The following WWTR1 variants were observed in gnomAD, a reference collection of about 807,000 sequenced individuals.
WWTR1 encodes WW domain containing transcription regulator 1.
Under a neutral mutation model 40.1 loss-of-function variants are expected in WWTR1, and 13 were observed. The observed-to-expected ratio is 0.32, with a 90% CI of 0.21 to 0.52. The LOEUF (loss-of-function observed/expected upper bound fraction) is 0.52. WWTR1 is among the 20% of genes least tolerant of loss of function. WWTR1 has a pLI of 0.97. For synonymous variants in WWTR1, 230 were observed against 210.1 expected, an observed-to-expected ratio of 1.09 and a Z score of -0.82; for missense variants, 436 against 523.1, an observed-to-expected ratio of 0.83 and a Z score of 1.63.
chr3:149,649,253 A>G (rs1421516393), intron 2 of WWTR1, among the ~76,000 whole-genome samples: 1 of 152,134 alleles, frequency 6.6e-6, no homozygotes, highest in African/African-American at 2.4e-5. Flanking sequence ...CAGCCTCCCA[A>G]AGTGCTGGGA....
upstream of WWTR1, among the ~76,000 whole-genome samples, chr3:149,708,017 C>CGA (rs1715374501): frequency 1.3e-5 from 2 of 151,908 alleles, no homozygotes; most frequent in Non-Finnish European, 2.9e-5. Context: ...TGCCCTCTCT[C>CGA]GTCTAATCAA....
intron 5 of WWTR1, among the ~76,000 whole-genome samples, chr3:149,714,350 G>C (rs955522275): frequency 3.9e-5 from 6 of 152,346 alleles, no homozygotes; most frequent in African/African-American, 1.4e-4. Flanking sequence ...TGAACTCTCA[G>C]GGGCCCAGGA....
At chr3:149,665,200 A>G (rs1250403599) in intron 2 of WWTR1, among the ~76,000 whole-genome samples, 1 of 150,956 alleles carries the variant, frequency 6.6e-6, no homozygotes, top group Non-Finnish European at 1.5e-5. Flanking sequence ...ATCTATAATA[A>G]CGGGAAATTA....
At chr3:149,677,695 C>T (rs112557228) in intron 1 of WWTR1, among the ~76,000 whole-genome samples, 6,457 of 151,340 alleles carry the variant, frequency 0.043, 281 homozygotes, top group East Asian at 0.13. Flanking sequence ...ACAAAATCAA[C>T]GCGGTGTCGT....
Position 149,656,883 on chromosome 3 carries a change from A to C in WWTR1, c.424T>G (p.Phe142Val), listed in dbSNP as rs747153038. 6.6e-7 allele frequency: 1 copy of C among 1,517,992 alleles called. No homozygotes were observed. Among genetic ancestry groups the C allele is most frequent in the Non-Finnish European group, 8.8e-7 (1 of 1,140,480 alleles). The allele number at this position is 1,517,992 out of a possible 1,614,324, so 94.0% of individuals were successfully genotyped here. Residue 142 changes from phenylalanine to valine, a missense_variant, in exon 2 of 7, where the codon TTC becomes GTC. Phe to Val is a conservative substitution (Grantham distance 50). Transcript: ENST00000360632. Reference sequence around the variant, plus strand: ...GGCTCCAGGCTGACTTACTTGAGGAAGTACCTCTGGCCAGTGGCCGTGAAG... The same window carrying C: ...GGCTCCAGGCTGACTTACTTGAGGACGTACCTCTGGCCAGTGGCCGTGAAG... Reference protein sequence around the residue: ...MTFTATGQRYFLNHIEKITTW... With the variant: ...MTFTATGQRYVLNHIEKITTW...
intron 2 of WWTR1, among the ~76,000 whole-genome samples, chr3:149,628,281 A>G (rs1740674737): frequency 6.6e-6 from 1 of 152,236 alleles, no homozygotes; most frequent in East Asian, 1.9e-4. Flanking sequence ...GAGGCAGGAG[A>G]ATGGTGTGGA....
At chr3:149,544,219 C>T (rs189873097) in intron 3 of WWTR1, among the ~76,000 whole-genome samples, 4 of 152,112 alleles carry the variant, frequency 2.6e-5, no homozygotes, top group South Asian at 4.1e-4. Flanking sequence ...TATATTTGAA[C>T]GACATATATG....
chr3:149,599,749 A>G (rs1381334915), intron 2 of WWTR1, among the ~76,000 whole-genome samples: 2 of 152,228 alleles, frequency 1.3e-5, no homozygotes, highest in Non-Finnish European at 2.9e-5. Context: ...CCAAGGCAAT[A>G]ATATCTACTT....
intron 2 of WWTR1, among the ~76,000 whole-genome samples, chr3:149,610,261 A>G (rs932088188): frequency 2.0e-5 from 3 of 152,240 alleles, no homozygotes; most frequent in Non-Finnish European, 4.4e-5. Context: ...ATACCTGCTC[A>G]GTGTTGCAAA....
At chr3:149,538,211 C>T (rs150423888) in intron 4 of WWTR1, among the ~76,000 whole-genome samples, 8 of 152,230 alleles carry the variant, frequency 5.3e-5, no homozygotes, top group East Asian at 1.9e-4. Flanking sequence ...TCAGCCACCA[C>T]GCTTAGTCAA....
intron 3 of WWTR1, among the ~76,000 whole-genome samples, chr3:149,548,322 C>G (rs1736462357): frequency 6.6e-6 from 1 of 152,194 alleles, no homozygotes; most frequent in Admixed American, 6.5e-5. Flanking sequence ...GGCAGCTTCC[C>G]TAAGCCAGGA....
At chr3:149,614,959 G>A (rs1739897101) in intron 2 of WWTR1, among the ~76,000 whole-genome samples, 1 of 151,938 alleles carries the variant, frequency 6.6e-6, no homozygotes, top group Non-Finnish European at 1.5e-5. Flanking sequence ...CTCCAGCCTG[G>A]GAGACAAGAG....
intron 1 of WWTR1, among the ~76,000 whole-genome samples, chr3:149,676,980 G>C (rs1354399880): frequency 6.6e-6 from 1 of 150,922 alleles, no homozygotes; most frequent in Non-Finnish European, 1.5e-5. Flanking sequence ...GCAATGGGGC[G>C]ATCTTGGCTC....
chr3:149,689,888 CA>C (rs1714763215), intron 1 of WWTR1, among the ~76,000 whole-genome samples: 1 of 152,010 alleles, frequency 6.6e-6, no homozygotes, highest in Non-Finnish European at 1.5e-5. Context: ...ATGAACCTAT[CA>C]AAAATAACAA....
At chr3:149,570,101 C>T (rs1481194437) in intron 3 of WWTR1, among the ~76,000 whole-genome samples, 1 of 152,226 alleles carries the variant, frequency 6.6e-6, no homozygotes. Context: ...TTGAGACTCT[C>T]TAAATTAAGT....
intron 2 of WWTR1, among the ~76,000 whole-genome samples, chr3:149,606,750 G>A (rs996066814): frequency 6.6e-6 from 1 of 152,128 alleles, no homozygotes; most frequent in African/African-American, 2.4e-5. Context: ...GGAAACTTCA[G>A]TCCACATAAA....
intron 2 of WWTR1, among the ~76,000 whole-genome samples, chr3:149,639,293 C>T (rs1712018470): frequency 6.6e-6 from 1 of 152,174 alleles, no homozygotes; most frequent in Non-Finnish European, 1.5e-5. Context: ...ACCCTGAATT[C>T]ATAGGCTGAA....
chr3:149,568,125 C>T (rs1201078456), intron 3 of WWTR1, among the ~76,000 whole-genome samples: 1 of 152,134 alleles, frequency 6.6e-6, no homozygotes, highest in Non-Finnish European at 1.5e-5. Context: ...GTGGCTCACG[C>T]CTGTAATCCC....
chr3:149,667,315 G>C (rs570865720), intron 2 of WWTR1, among the ~76,000 whole-genome samples: 5 of 98,164 alleles, frequency 5.1e-5, no homozygotes, highest in East Asian at 6.7e-4. Context: ...GGGAGGCTGA[G>C]GGGGGGTGGA....
Sources: allele counts gnomAD v4.1 joint callset (sites outside exome capture counted in the v4.1 genomes callset), GRCh38; gene constraint gnomAD v4.1.1; transcripts MANE v1.5; gene names NCBI Gene and HGNC (gene_info 2026-07-23, HGNC 2026-07-21).